EXOC6B: variants seen among roughly 807,000 people sequenced by gnomAD.
The protein encoded by EXOC6B is exocyst complex component 6B, also known as SEC15 homolog B.
A neutral mutation model predicts 113.5 loss-of-function variants in EXOC6B; 54 were observed. The ratio of observed to expected loss-of-function variants is 0.48; its 90% CI spans 0.38 to 0.60. The LOEUF (loss-of-function observed/expected upper bound fraction) is 0.60. EXOC6B is among the 20% of genes least tolerant of loss of function. The pLI, the probability that EXOC6B is intolerant of heterozygous loss-of-function variation, is 0.00. For synonymous variants in EXOC6B, 357 were observed against 339.0 expected (o/e 1.05, Z -0.58); for missense variants, 797 against 977.5 (o/e 0.82, Z 2.46).
intron 6 of EXOC6B, among the ~76,000 whole-genome samples, chr2:72,631,997 A>G (rs1054444645): frequency 1.3e-5 from 2 of 152,230 alleles, no homozygotes; most frequent in African/African-American, 4.8e-5. Context: ...GAAAACACAT[A>G]CAAACCATTT....
chr2:72,346,501 T>C (rs1689347550), intron 19 of EXOC6B, among the ~76,000 whole-genome samples: 1 of 152,066 alleles, frequency 6.6e-6, no homozygotes, highest in Non-Finnish European at 1.5e-5. Context: ...GAATAATCAG[T>C]AAATAAGGAA....
At chr2:72,378,211 T>C (rs1240850673) in intron 19 of EXOC6B, among the ~76,000 whole-genome samples, 1 of 152,214 alleles carries the variant, frequency 6.6e-6, no homozygotes, top group Non-Finnish European at 1.5e-5. Flanking sequence ...ACTAAATGTT[T>C]TTACCGAAGA....
At chr2:72,653,600 C>A (rs999241686) in intron 6 of EXOC6B, among the ~76,000 whole-genome samples, 1 of 139,434 alleles carries the variant, frequency 7.2e-6, no homozygotes, top group Non-Finnish European at 1.5e-5. Context: ...TGCCAGCAAC[C>A]CCCCCCCAAA....
chr2:72,596,811 G>C (rs576124119), intron 6 of EXOC6B, among the ~76,000 whole-genome samples: 39 of 151,650 alleles, frequency 2.6e-4, no homozygotes, highest in Non-Finnish European at 4.1e-4. Flanking sequence ...CTAAAGACAA[G>C]GGAGAGAAAA....
intron 1 of EXOC6B, among the ~76,000 whole-genome samples, chr2:72,784,421 G>T (rs1367777983): frequency 6.6e-6 from 1 of 152,136 alleles, no homozygotes; most frequent in Admixed American, 6.5e-5. Context: ...TGAATCTGTA[G>T]ATTGTTTTGG....
chr2:72,498,640 G>C, intron 12 of EXOC6B, 89 bp from the exon 13 acceptor site: 1 of 696,600 alleles, frequency 1.4e-6, no homozygotes, highest in East Asian at 2.8e-5. Flanking sequence ...AGAGGGATAA[G>C]ATACTGAAAA....
chr2:72,636,608 A>T (rs575512085), intron 6 of EXOC6B, among the ~76,000 whole-genome samples: 2 of 152,338 alleles, frequency 1.3e-5, no homozygotes, highest in South Asian at 4.1e-4. Context: ...CAATTGATGC[A>T]GAAAAAAATG....
chr2:72,636,513 A>G (rs937088943), intron 6 of EXOC6B, among the ~76,000 whole-genome samples: 2 of 130,202 alleles, frequency 1.5e-5, no homozygotes, highest in African/African-American at 9.0e-5. Flanking sequence ...GAGGAGAGAA[A>G]GAAGGAAGAA....
intron 18 of EXOC6B, among the ~76,000 whole-genome samples, chr2:72,433,393 T>C (rs527907193): frequency 1.3e-5 from 2 of 152,358 alleles, no homozygotes; most frequent in African/African-American, 4.8e-5. Flanking sequence ...ACATGGGCTC[T>C]TTCTTGGTTC....
At chr2:72,493,512 G>T (rs1413482887) in intron 15 of EXOC6B, among the ~76,000 whole-genome samples, 1 of 150,992 alleles carries the variant, frequency 6.6e-6, no homozygotes, top group Non-Finnish European at 1.5e-5. Flanking sequence ...GTAGAGTTTT[G>T]GGTCATTTAC....
In EXOC6B at chr2:72,634,989, T is replaced by C. The variant is rs148858793; in HGVS notation, c.670-59321A>G. 3.4e-3 allele frequency among the ~76,000 whole-genome samples: 512 copies of C among 150,970 alleles called. 2 individuals carry two copies. Among genetic ancestry groups the C allele is most frequent in the African/African-American group, 0.012 (488 of 41,156 alleles). ...ATAATATATGGGTCAAGAAAACATCTCAAAAAAAGTAAAAATACATAGAAC... is the reference window on the plus strand; with the variant it reads ...ATAATATATGGGTCAAGAAAACATCCCAAAAAAAGTAAAAATACATAGAAC... On this transcript the variant is annotated intron_variant, in intron 6 of 21. Transcript: ENST00000272427.
chr2:72,586,933 G>A (rs939428626), intron 6 of EXOC6B, among the ~76,000 whole-genome samples: 2 of 152,158 alleles, frequency 1.3e-5, no homozygotes, highest in Non-Finnish European at 2.9e-5. Context: ...TGAGGCTGCA[G>A]AGAAAAGGGA....
chr2:72,286,633 G>A (rs1006514952), intron 20 of EXOC6B, among the ~76,000 whole-genome samples: 2 of 152,090 alleles, frequency 1.3e-5, no homozygotes, highest in African/African-American at 4.8e-5. Context: ...GAGCCCTCAT[G>A]CAAATTATCA....
At chr2:72,721,404 C>A (rs1202307735) in intron 5 of EXOC6B, among the ~76,000 whole-genome samples, 69 of 49,904 alleles carry the variant, frequency 1.4e-3, no homozygotes, top group South Asian at 2.0e-3. Flanking sequence ...AAAGAAAATT[C>A]ACAAAAGAAC....
At chr2:72,305,170 A>G (rs1356003992) in intron 20 of EXOC6B, among the ~76,000 whole-genome samples, 1 of 152,168 alleles carries the variant, frequency 6.6e-6, no homozygotes, top group African/African-American at 2.4e-5. Flanking sequence ...TGGTGAAGAA[A>G]CTGAGGCACA....
At chr2:72,340,709 G>C (rs1688980512) in intron 19 of EXOC6B, among the ~76,000 whole-genome samples, 1 of 152,172 alleles carries the variant, frequency 6.6e-6, no homozygotes, top group African/African-American at 2.4e-5. Context: ...GATCATGTTA[G>C]GTCACATGTG....
intron 20 of EXOC6B, among the ~76,000 whole-genome samples, chr2:72,251,182 T>G (rs1321288812): frequency 7.3e-6 from 1 of 137,782 alleles, no homozygotes; most frequent in African/African-American, 2.5e-5. Context: ...TTGTTCCTGA[T>G]CTTGTTCTTT....
At chr2:72,431,815 G>A (rs749461203) in intron 18 of EXOC6B, among the ~76,000 whole-genome samples, 19 of 151,860 alleles carry the variant, frequency 1.3e-4, no homozygotes, top group African/African-American at 2.9e-4. Context: ...ACACCCCAAC[G>A]AGCCCTGGTG....
intron 1 of EXOC6B, among the ~76,000 whole-genome samples, chr2:72,823,764 G>A (rs1281901650): frequency 2.6e-5 from 4 of 151,692 alleles, no homozygotes; most frequent in African/African-American, 4.8e-5. Flanking sequence ...CTGAGCAACA[G>A]AGTGAGACCC....
Sources: allele counts gnomAD v4.1 joint callset (sites outside exome capture counted in the v4.1 genomes callset), GRCh38; gene constraint gnomAD v4.1.1; transcripts MANE v1.5; gene names NCBI Gene and HGNC (gene_info 2026-07-23, HGNC 2026-07-21).